UVSSA: variants seen among roughly 807,000 people sequenced by gnomAD.
UVSSA encodes the protein UV stimulated scaffold protein A.
In UVSSA, 72 loss-of-function variants were observed where a neutral mutation model predicts 73.9. That is an observed-to-expected ratio of 0.97 (90% CI 0.81 to 1.19). UVSSA has a LOEUF of 1.19. UVSSA is among the 50% of genes most tolerant of loss of function. The pLI is 0.00. For missense variants in UVSSA, 1,150 were observed against 965.0 expected (o/e 1.19, Z -2.54); for synonymous variants, 454 against 391.3 (o/e 1.16, Z -1.89).
chr4:1,378,154 G>A (rs1451463561), intron 10 of UVSSA, among the ~76,000 whole-genome samples: 2 of 152,222 alleles, frequency 1.3e-5, no homozygotes, highest in East Asian at 3.9e-4. Context: ...AGATGATGCG[G>A]GTCCGGGAAG....
Position 1,366,361 on chromosome 4 carries a change from G to A in UVSSA, c.1218G>A (p.Glu406=). Residue 406 remains glutamate (E), a synonymous_variant, in exon 8 of 14, where the codon GAG becomes GAA. Coordinates refer to ENST00000389851, the MANE Select transcript of UVSSA (RefSeq NM_020894.4). ...LGDAEEDEDD[E]DFVEVPEKEG... The stretch of plus-strand genomic sequence containing the variant: ...ATGCGGAGGAAGATGAGGACGATGA[G>A]GACTTTGTGGAGGTCCCTGAGAAGG... 2 of 1,613,442 alleles carry A rather than the reference G, an allele frequency of 1.2e-6. No individual in the cohort carries two copies. Among genetic ancestry groups the A allele is most frequent in the Middle Eastern group, 1.7e-4 (1 of 6,056 alleles).
chr4:1,353,467 G>C, intron 5 of UVSSA, 54 bp downstream of exon 5: 2 of 1,436,114 alleles, frequency 1.4e-6, no homozygotes, highest in Non-Finnish European at 1.8e-6. Flanking sequence ...CTCCCGGGTA[G>C]GCTCCTCCCT....
chr4:1,366,437 C>A lies in UVSSA; in HGVS notation c.1288+6C>A. On this transcript the variant is annotated splice_donor_region_variant and intron_variant, in intron 8 of 13. Transcript: ENST00000389851. ...CCACTTGCGGCCTGAGTATGGTGAG[C>A]AGTGGGTCCCGTGGGGGGGGCACCT... 2 of 1,599,710 alleles carry A rather than the reference C, an allele frequency of 1.3e-6. No individual in the cohort carries two copies. The highest frequency in any genetic ancestry group is 1.7e-6 in the Non-Finnish European group (2 of 1,172,868).
intron 4 of UVSSA, among the ~76,000 whole-genome samples, chr4:1,352,348 C>G (rs909280557): frequency 6.6e-6 from 1 of 152,202 alleles, no homozygotes; most frequent in Non-Finnish European, 1.5e-5. Context: ...AGATCCTTCT[C>G]CTGACAGACT....
At chr4:1,395,705 C>G (rs1213939533) in exon 14 of UVSSA, 1 of 1,614,246 alleles carries the variant, frequency 6.2e-7, no homozygotes, top group Non-Finnish European at 8.5e-7. Context: ...CCTGCTCACA[C>G]AAAGCCCTGG....
chr4:1,379,413 A>G (rs1212086082), intron 10 of UVSSA, among the ~76,000 whole-genome samples: 1 of 152,074 alleles, frequency 6.6e-6, no homozygotes, highest in Non-Finnish European at 1.5e-5. Flanking sequence ...CCCCCATCCC[A>G]TGGCATCCGC....
At chr4:1,373,031 A>C (rs1034655620) in intron 8 of UVSSA, among the ~76,000 whole-genome samples, 2 of 152,246 alleles carry the variant, frequency 1.3e-5, no homozygotes, top group African/African-American at 4.8e-5. Flanking sequence ...TGTCTCCATG[A>C]GGTCGTCGTC....
intron 8 of UVSSA, among the ~76,000 whole-genome samples, chr4:1,369,125 G>A (rs28649968): frequency 0.18 from 27,643 of 152,258 alleles, 3,319 homozygotes; most frequent in African/African-American, 0.34. Context: ...ACGTTCTGCC[G>A]TTCTGCCGTT....
At chr4:1,346,755 G>A (rs1713743359), upstream of UVSSA, among the ~76,000 whole-genome samples, 1 of 152,114 alleles carries the variant, frequency 6.6e-6, no homozygotes, top group Non-Finnish European at 1.5e-5. Flanking sequence ...CCCGCGGGCG[G>A]GCGTGGCGTT....
At chr4:1,366,460 C>T in intron 8 of UVSSA, 29 bp downstream of exon 8, 3 of 1,557,126 alleles carry the variant, frequency 1.9e-6, no homozygotes, top group Non-Finnish European at 2.6e-6. Context: ...GGGGGGGGCA[C>T]CTGGGTGGAG....
chr4:1,354,450 G>C (rs769836415), intron 5 of UVSSA: 59 of 458,156 alleles, frequency 1.3e-4, no homozygotes, highest in Non-Finnish European at 2.1e-4. Context: ...GAGGCTGTGG[G>C]TGGTCTCGCC....
At chr4:1,375,577 G>A (rs1014656992) in intron 9 of UVSSA, 69 bp downstream of exon 9, 20 of 1,555,374 alleles carry the variant, frequency 1.3e-5, no homozygotes, top group Middle Eastern at 1.9e-4. Context: ...CAGAGCACTG[G>A]CCGGCCTCGA....
At chr4:1,346,373 G>C (rs1411127132), upstream of UVSSA, among the ~76,000 whole-genome samples, 1 of 152,138 alleles carries the variant, frequency 6.6e-6, no homozygotes, top group Non-Finnish European at 1.5e-5. Flanking sequence ...CGCCCCGCGA[G>C]TGGGGTCCAC....
At chr4:1,368,092 G>A (rs1028575563) in intron 8 of UVSSA, among the ~76,000 whole-genome samples, 54 of 152,358 alleles carry the variant, frequency 3.5e-4, no homozygotes, top group Middle Eastern at 3.4e-3. Flanking sequence ...CTGCAGCCGG[G>A]GCCTAGGCAG....
chr4:1,384,243 G>T, intron 13 of UVSSA: 1 of 410,066 alleles, frequency 2.4e-6, no homozygotes, highest in Non-Finnish European at 4.4e-6. Context: ...GGCCTTGGCT[G>T]GTGCAGAGTG....
In UVSSA at chr4:1,360,679, A is replaced by G. The variant is rs186485341; in HGVS notation, c.1176+5434A>G. The stretch of plus-strand genomic sequence containing the variant: ...AGCAGGGTCCTTTCCCGCCCCCGTG[A>G]GCCGAGTGTGTGTGTGACTCACCAG... On this transcript the variant is annotated intron_variant, in intron 7 of 13. Transcript: ENST00000389851. Among the ~76,000 whole-genome samples, 11 of 152,198 alleles carry G rather than the reference A, an allele frequency of 7.2e-5. 1 individual carries two copies. The East Asian group carries it at 1.9e-3, about 27-fold the overall frequency.
intron 12 of UVSSA, 75 bp downstream of exon 12, chr4:1,381,063 T>C: frequency 1.4e-6 from 2 of 1,408,216 alleles, no homozygotes; most frequent in Non-Finnish European, 2.0e-6. Flanking sequence ...GGGGTGTGTC[T>C]GCAGAGTCAC....
At chr4:1,394,230 C>A in exon 14 of UVSSA, 1 of 606,154 alleles carries the variant, frequency 1.6e-6, no homozygotes, top group Non-Finnish European at 2.8e-6. Flanking sequence ...CAGAGCTTCT[C>A]AGCGGCCACT....
intron 3 of UVSSA, 49 bp downstream of exon 3, chr4:1,349,903 G>A: frequency 1.4e-6 from 2 of 1,442,516 alleles, no homozygotes; most frequent in South Asian, 2.9e-5. Flanking sequence ...CTGACGTGAG[G>A]AGGGCAGACG....
Sources: gnomAD v4.1 joint callset for allele counts (sites outside exome capture counted in the v4.1 genomes callset) on GRCh38, gnomAD v4.1.1 for gene constraint, MANE v1.5 for transcripts, NCBI Gene and HGNC (gene_info 2026-07-23, HGNC 2026-07-21) for gene names.